The following SEZ6L variants were observed in gnomAD, a reference collection of about 807,000 sequenced individuals.
The protein encoded by SEZ6L is seizure 6-like protein.
In SEZ6L, 37 loss-of-function variants were observed where a neutral mutation model predicts 106.2. That is an observed-to-expected ratio of 0.35 (90% CI 0.27 to 0.46). The LOEUF is 0.46. Ranked by LOEUF, SEZ6L falls within the 20% of genes least tolerant of loss-of-function variation. The pLI is 1.00. For missense variants in SEZ6L, 1,172 were observed against 1,332.8 expected, an observed-to-expected ratio of 0.88 and a Z score of 1.88; for synonymous variants, 541 against 570.4, an observed-to-expected ratio of 0.95 and a Z score of 0.73.
At chr22:26,264,894 C>T (rs189865756) in intron 1 of SEZ6L, among the ~76,000 whole-genome samples, 1 of 152,316 alleles carries the variant, frequency 6.6e-6, no homozygotes, top group Non-Finnish European at 1.5e-5. Flanking sequence ...GCTTAGCAAG[C>T]AGCAAATATG....
intron 1 of SEZ6L, among the ~76,000 whole-genome samples, chr22:26,250,319 T>C (rs2079529460): frequency 6.6e-6 from 1 of 152,150 alleles, no homozygotes; most frequent in Non-Finnish European, 1.5e-5. Flanking sequence ...TAAGTCTTTA[T>C]CATTTTGAGT....
chr22:26,176,013 A>T (rs531506235), intron 1 of SEZ6L, among the ~76,000 whole-genome samples: 1 of 152,254 alleles, frequency 6.6e-6, no homozygotes, highest in Non-Finnish European at 1.5e-5. Flanking sequence ...GGCTGGTTAT[A>T]GCCAGCATTA....
At chr22:26,289,734 C>A (rs1346866992) in intron 1 of SEZ6L, among the ~76,000 whole-genome samples, 2 of 152,174 alleles carry the variant, frequency 1.3e-5, no homozygotes, top group Non-Finnish European at 2.9e-5. Context: ...GCCACCGCCG[C>A]CAACTCCATG....
chr22:26,253,287 CT>C, intron 1 of SEZ6L, among the ~76,000 whole-genome samples: 1 of 152,332 alleles, frequency 6.6e-6, no homozygotes, highest in South Asian at 2.1e-4. Context: ...ATAGTCTTGG[CT>C]TCAGCTCTCC....
chr22:26,264,288 C>G (rs942703760), intron 1 of SEZ6L, among the ~76,000 whole-genome samples: 3 of 152,220 alleles, frequency 2.0e-5, no homozygotes, highest in Non-Finnish European at 4.4e-5. Flanking sequence ...TGTCAGGGCC[C>G]TCTCTGGTCA....
chr22:26,242,358 C>T (rs2079165486), intron 1 of SEZ6L, among the ~76,000 whole-genome samples: 1 of 152,234 alleles, frequency 6.6e-6, no homozygotes, highest in African/African-American at 2.4e-5. Context: ...TCAAGCCCCT[C>T]CCTGGCTGGG....
At chr22:26,255,769 G>T (rs1446601152) in intron 1 of SEZ6L, among the ~76,000 whole-genome samples, 1 of 152,244 alleles carries the variant, frequency 6.6e-6, no homozygotes, top group Admixed American at 6.5e-5. Flanking sequence ...ACCTCGCAGT[G>T]TTGAGCACCT....
rs73415338 is a variant in SEZ6L at position 26,373,595 on chromosome 22, A to G, written c.2827+112A>G. The G allele has an allele frequency of 1.4e-3, 1,116 of 821,002 alleles. 9 individuals carry two copies. In the African/African-American group the frequency reaches 0.017, roughly 12 times the overall value. The allele number at this position is 821,002 out of a possible 1,614,324, so 50.9% of individuals were successfully genotyped here. Reference sequence around the variant, plus strand: ...GACACTTAAAAAATAAATAAATTCTACCTTCAGACTGCCAAAGATAATCTT... The same window carrying G: ...GACACTTAAAAAATAAATAAATTCTGCCTTCAGACTGCCAAAGATAATCTT... On this transcript the variant is annotated intron_variant, in intron 14 of 16. Transcript: ENST00000248933.
chr22:26,346,690 C>G (rs9625014), intron 10 of SEZ6L, among the ~76,000 whole-genome samples: 4,193 of 152,282 alleles, frequency 0.028, 182 homozygotes, highest in African/African-American at 0.094. Flanking sequence ...AAGTCAATGC[C>G]AACTGTTGAC....
chr22:26,289,049 A>G (rs2081025735), intron 1 of SEZ6L, among the ~76,000 whole-genome samples: 2 of 152,256 alleles, frequency 1.3e-5, no homozygotes, highest in Admixed American at 1.3e-4. Context: ...TGTCTGAGCT[A>G]GAAAGGCCCT....
chr22:26,226,294 C>A (rs183864197), intron 1 of SEZ6L, among the ~76,000 whole-genome samples: 4 of 152,350 alleles, frequency 2.6e-5, no homozygotes, highest in African/African-American at 9.6e-5. Context: ...TGAATGTGAT[C>A]CACTGTTCCC....
intron 1 of SEZ6L, among the ~76,000 whole-genome samples, chr22:26,180,904 C>A (rs73879845): frequency 0.016 from 2,451 of 152,266 alleles, 66 homozygotes; most frequent in African/African-American, 0.055. Context: ...ATGTTTAGAA[C>A]AATGTACTCA....
chr22:26,350,260 C>T (rs1031037016), intron 11 of SEZ6L, among the ~76,000 whole-genome samples: 10 of 151,130 alleles, frequency 6.6e-5, no homozygotes, highest in African/African-American at 2.4e-4. Flanking sequence ...CAAGGTCTCA[C>T]TCTGTTGCCC....
chr22:26,234,660 G>T (rs2078903492), intron 1 of SEZ6L, among the ~76,000 whole-genome samples: 1 of 152,212 alleles, frequency 6.6e-6, no homozygotes. Flanking sequence ...CCAACTGCTG[G>T]CTTGATAGCC....
intron 1 of SEZ6L, among the ~76,000 whole-genome samples, chr22:26,230,262 G>A (rs1430311626): frequency 6.6e-6 from 1 of 151,916 alleles, no homozygotes; most frequent in Non-Finnish European, 1.5e-5. Context: ...TTACAATTTG[G>A]GAAACTGAGG....
intron 1 of SEZ6L, among the ~76,000 whole-genome samples, chr22:26,278,866 AAG>A (rs946161419): frequency 3.4e-5 from 5 of 147,720 alleles, no homozygotes; most frequent in South Asian, 2.1e-4. Flanking sequence ...AAAGAAAAGA[AAG>A]AGAAAGAAAG....
At chr22:26,265,638 C>A (rs1000194992) in intron 1 of SEZ6L, among the ~76,000 whole-genome samples, 31 of 152,222 alleles carry the variant, frequency 2.0e-4, no homozygotes, top group African/African-American at 7.2e-4. Flanking sequence ...TTCTTTAGAG[C>A]TAACCTGGTT....
rs746951094 is a variant in SEZ6L at position 26,375,565 on chromosome 22, C to T, written c.2828-10C>T. 136 of 1,612,130 alleles carry T rather than the reference C, an allele frequency of 8.4e-5. No homozygotes were observed. The highest frequency in any genetic ancestry group is 1.7e-4 in the Middle Eastern group (1 of 6,036). The stretch of plus-strand genomic sequence containing the variant: ...TGGGAAATGAGGACCTCACTGGCTC[C>T]TGTGTTCAGTAGCAGAAGCGGCAGC... On this transcript the variant is annotated splice_polypyrimidine_tract_variant and intron_variant, in intron 14 of 16. Transcript: ENST00000248933.
chr22:26,269,673 G>T (rs2080300877), intron 1 of SEZ6L, among the ~76,000 whole-genome samples: 1 of 152,172 alleles, frequency 6.6e-6, no homozygotes, highest in African/African-American at 2.4e-5. Context: ...CAAAAATTGT[G>T]GTAAAACATT....
Sources: allele counts gnomAD v4.1 joint callset (sites outside exome capture counted in the v4.1 genomes callset), GRCh38; gene constraint gnomAD v4.1.1; transcripts MANE v1.5; gene names NCBI Gene and HGNC (gene_info 2026-07-23, HGNC 2026-07-21).